STING1: variants seen among roughly 807,000 people sequenced by gnomAD.
STING1 encodes the protein stimulator of interferon genes protein.
Under a neutral mutation model 31.6 loss-of-function variants are expected in STING1, and 19 were observed. The ratio of observed to expected loss-of-function variants is 0.60; its 90% CI spans 0.42 to 0.88. The LOEUF (loss-of-function observed/expected upper bound fraction) is 0.88, where lower values mean the gene tolerates loss of function less well. Among genes scored for constraint, STING1 ranks in the 40% least tolerant of loss-of-function variants. The probability of loss-of-function intolerance (pLI) is 0.00; values close to 1 mark genes in which losing one functional copy is unlikely to be tolerated. For synonymous variants in STING1, 200 were observed against 208.6 expected (o/e 0.96, Z 0.35); for missense variants, 371 against 483.7 (o/e 0.77, Z 2.19).
rs760791461 is a variant in STING1 at position 139,476,467 on chromosome 5, G to A, written c.947-13C>T. 15 of 1,610,826 alleles carry A rather than the reference G, an allele frequency of 9.3e-6. No homozygotes were observed. Among genetic ancestry groups the A allele is most frequent in the East Asian group, 2.2e-5 (1 of 44,864 alleles). On this transcript the variant is annotated splice_polypyrimidine_tract_variant and intron_variant, in intron 7 of 7. Transcript: ENST00000330794. Reference sequence around the variant, plus strand: ...TCATCTGCAGGTTCTGGAACAGGGAGATAGGGGAGAGAGTAATGAGGATCT... The same window carrying A: ...TCATCTGCAGGTTCTGGAACAGGGAAATAGGGGAGAGAGTAATGAGGATCT...
At chr5:139,477,559 C>T (rs758111794) in intron 6 of STING1, 44 bp from the exon 7 acceptor site, 15 of 1,584,480 alleles carry the variant, frequency 9.5e-6, no homozygotes, top group South Asian at 9.2e-5. Flanking sequence ...AGGGGCCAGG[C>T]GGATGGAGAA....
At position 139,481,656 on chromosome 5, in the gene STING1, C is replaced by T. The variant is rs759944012; in HGVS notation, c.49G>A (p.Gly17Arg). ...HPSIPCPRGH[G>R]AQKAALVLLS... ...AGAACCAAGGCTGCCTTCTGGGCCC[C>T]GTGACCCCTGGGACACGGGATGGAT... The change falls in exon 3 of 8, where the codon GGG (glycine) becomes AGG (arginine). Residue 17 changes from glycine (G) to arginine (R), a missense_variant. Coordinates refer to ENST00000330794, the MANE Select transcript of STING1 (RefSeq NM_198282.4). This position sits in a 1 kb window ranked among gnomAD's most constrained non-coding sequence, Gnocchi z 4.1. 21 of 1,611,028 alleles carry T rather than the reference C, an allele frequency of 1.3e-5. No homozygotes were observed. Among genetic ancestry groups the T allele is most frequent in the African/African-American group, 8.0e-5 (6 of 74,842 alleles).
At chr5:139,478,755 T>C in intron 5 of STING1, 1 of 480,006 alleles carries the variant, frequency 2.1e-6, no homozygotes, top group Non-Finnish European at 3.8e-6. Flanking sequence ...GCGCCACCCC[T>C]TTCCACCATG....
At chr5:139,479,971 T>C (rs1185674885) in intron 5 of STING1, among the ~76,000 whole-genome samples, 1 of 129,260 alleles carries the variant, frequency 7.7e-6, no homozygotes, top group Non-Finnish European at 1.6e-5. Context: ...GCTACTGCAC[T>C]CCAGTCTGCG....
At chr5:139,480,280 C>G (rs1023212661) in intron 5 of STING1, among the ~76,000 whole-genome samples, 6 of 152,314 alleles carry the variant, frequency 3.9e-5, no homozygotes, top group African/African-American at 1.2e-4. Context: ...TACAGCTGGG[C>G]TCACGCCTGT....
Position 139,476,203 on chromosome 5 carries a change from AG to A in STING1, c.*57del. ...TGCTGGACATTCAGCCACTGAAGAGAGCCCCCAGTCCAGAGGCTTGGAGACC... is the reference window on the plus strand; with the variant it reads ...TGCTGGACATTCAGCCACTGAAGAGACCCCCAGTCCAGAGGCTTGGAGACC... On this transcript the variant is annotated 3_prime_UTR_variant, in exon 8 of 8. Transcript: ENST00000330794. 7.4e-7 allele frequency: 1 copy of A among 1,358,962 alleles called. No homozygotes were observed. The highest frequency in any genetic ancestry group is 1.0e-6 in the Non-Finnish European group (1 of 990,198). The allele number at this position is 1,358,962 out of a possible 1,614,324, so 84.2% of individuals were successfully genotyped here.
At chr5:139,477,184 G>A in intron 7 of STING1, 145 bp downstream of exon 7, 1 of 852,238 alleles carries the variant, frequency 1.2e-6, no homozygotes. Context: ...CTGGTGTGCT[G>A]GGAAGAGGGG....
chr5:139,481,472 A>T lies in STING1; in HGVS notation c.227+6T>A. The T allele has an allele frequency of 6.2e-7, 1 of 1,612,788 alleles. No individual in the cohort carries two copies. The highest frequency in any genetic ancestry group is 8.5e-7 in the Non-Finnish European group (1 of 1,179,184). ...TACCCCGTCCCTGGGTACTGCAGTGAGTCACCTGGAGTGGATGTGGCGCAG... is the reference window on the plus strand; with the variant it reads ...TACCCCGTCCCTGGGTACTGCAGTGTGTCACCTGGAGTGGATGTGGCGCAG... On this transcript the variant is annotated splice_donor_region_variant and intron_variant, in intron 3 of 7. Transcript: ENST00000330794. The surrounding 1 kb of genome is among the most constrained non-coding windows in gnomAD (Gnocchi z 4.1).
chr5:139,478,590 C>A, intron 5 of STING1, 82 bp from the exon 6 acceptor site: 1 of 1,237,514 alleles, frequency 8.1e-7, no homozygotes. Context: ...GTCATTGGCC[C>A]CCGCAGTGTG....
At position 139,481,147 on chromosome 5, in the gene STING1, C is replaced by T. The variant is rs764655300; in HGVS notation, c.411+12G>A. 6.2e-7 allele frequency: 1 copy of T among 1,613,920 alleles called. No homozygotes were observed. Among genetic ancestry groups the T allele is most frequent in the South Asian group, 1.1e-5 (1 of 91,052 alleles). On this transcript the variant is annotated intron_variant, in intron 4 of 7. Coordinates refer to ENST00000330794, the MANE Select transcript of STING1 (RefSeq NM_198282.4). The surrounding 1 kb of genome is among the most constrained non-coding windows in gnomAD (Gnocchi z 4.1). ...CACTTGGCCAGAGCTTCTACCTCCC[C>T]CTGTGTCATACCTTGAGGCCCAGGA...
chr5:139,478,569 G>A (rs1561483122), intron 5 of STING1, 61 bp from the exon 6 acceptor site: 2 of 1,460,078 alleles, frequency 1.4e-6, no homozygotes, highest in East Asian at 2.3e-5. Context: ...TGATTCAGGA[G>A]TGAGACCCAG....
chr5:139,481,891 C>A lies in STING1; in HGVS notation c.1-187G>T, dbSNP rs779328586. On this transcript the variant is annotated intron_variant, in intron 2 of 7. Transcript: ENST00000330794. The surrounding 1 kb of genome is among the most constrained non-coding windows in gnomAD (Gnocchi z 4.1). ...AGTCACCCCAAAGCTCCTGTCTCAG[C>A]GAGGTTTGCTGAAAACAGAGCAGGG... is the stretch of plus-strand genomic sequence containing the variant. 4 of 587,124 alleles carry A rather than the reference C, an allele frequency of 6.8e-6. No homozygotes were observed. The highest frequency in any genetic ancestry group is 1.9e-5 in the African/African-American group (1 of 53,804). 36.4% of individuals were successfully genotyped at this position (587,124 alleles called of 1,614,324 possible).
chr5:139,481,687 C>T lies in STING1; in HGVS notation c.18G>A (p.Leu6=). The T allele has an allele frequency of 6.2e-7, 1 of 1,604,798 alleles. No homozygotes were observed. The highest frequency in any genetic ancestry group is 8.5e-7 in the Non-Finnish European group (1 of 1,173,190). Residue 6 remains leucine (L), a synonymous_variant, in exon 3 of 8, where the codon CTG becomes CTA. Coordinates refer to ENST00000330794, the MANE Select transcript of STING1 (RefSeq NM_198282.4). This position sits in a 1 kb window ranked among gnomAD's most constrained non-coding sequence, Gnocchi z 4.1. The part of the protein sequence containing the change: MPHSS[L]HPSIPCPRGH... ...CCCTGGGACACGGGATGGATGGATG[C>T]AGGCTGGAGTGGGGCATCTGTGGGC...
chr5:139,480,942 C>T, intron 4 of STING1, 44 bp from the exon 5 acceptor site: 1 of 1,469,950 alleles, frequency 6.8e-7, no homozygotes, highest in Non-Finnish European at 9.5e-7. Flanking sequence ...ATCAAGGACA[C>T]CCAGAGAACT....
In STING1 at chr5:139,481,003, T is replaced by C; in HGVS notation, c.412-105A>G. On this transcript the variant is annotated intron_variant, in intron 4 of 7. Coordinates refer to ENST00000330794, the MANE Select transcript of STING1 (RefSeq NM_198282.4). The surrounding 1 kb of genome is among the most constrained non-coding windows in gnomAD (Gnocchi z 4.1). ...ACCTGCTCCTGACTTGATCCCTCTTTTGCCATTGCCAAACCCACTGTTCCA... is the reference window on the plus strand; with the variant it reads ...ACCTGCTCCTGACTTGATCCCTCTTCTGCCATTGCCAAACCCACTGTTCCA... 8.4e-7 allele frequency: 1 copy of C among 1,195,498 alleles called. No individual in the cohort carries two copies. Among genetic ancestry groups the C allele is most frequent in the South Asian group, 1.3e-5 (1 of 78,304 alleles). The allele number at this position is 1,195,498 out of a possible 1,614,324, so 74.1% of individuals were successfully genotyped here.
intron 6 of STING1, among the ~76,000 whole-genome samples, chr5:139,477,930 A>G (rs1235729216): frequency 2.0e-5 from 3 of 152,122 alleles, no homozygotes; most frequent in Admixed American, 6.5e-5. Context: ...AGAGCATGGT[A>G]CAGTCAAGTT....
chr5:139,476,526 T>C (rs1324189083), intron 7 of STING1, 72 bp from the exon 8 acceptor site: 1 of 1,429,922 alleles, frequency 7.0e-7, no homozygotes, highest in Non-Finnish European at 9.6e-7. Context: ...CTAGAGAACT[T>C]GCTGGGAAGA....
rs200232916 is a variant in STING1 at position 139,477,524 on chromosome 5, G to A, written c.760-9C>T. 1 of 1,612,432 alleles carries A rather than the reference G, an allele frequency of 6.2e-7. No individual in the cohort carries two copies. Among genetic ancestry groups the A allele is most frequent in the South Asian group, 1.1e-5 (1 of 90,928 alleles). The stretch of plus-strand genomic sequence containing the variant: ...AGGACACAGGTGCCCGCCTAGAGGA[G>A]GTAAGAGGAAGACCAGACTAAGCCA... On this transcript the variant is annotated splice_polypyrimidine_tract_variant and intron_variant, in intron 6 of 7. Transcript: ENST00000330794.
At position 139,481,499 on chromosome 5, in the gene STING1, T is replaced by A; in HGVS notation, c.206A>T (p.Glu69Val). The A allele has an allele frequency of 6.2e-7, 1 of 1,613,754 alleles. No individual in the cohort carries two copies. The highest frequency in any genetic ancestry group is 8.5e-7 in the Non-Finnish European group (1 of 1,179,940). ...TCACCTGGAGTGGATGTGGCGCAGC[T>A]CCTCAGCCAGGCTGCAGACCCCGTT... ...LLNGVCSLAE[E>V]LRHIHSRYRG... The change falls in exon 3 of 8, where the codon GAG becomes GTG. Residue 69 changes from glutamate to valine, a missense_variant. Coordinates refer to ENST00000330794, the MANE Select transcript of STING1 (RefSeq NM_198282.4). This position sits in a 1 kb window ranked among gnomAD's most constrained non-coding sequence, Gnocchi z 4.1.
Sources: allele counts gnomAD v4.1 joint callset (sites outside exome capture counted in the v4.1 genomes callset), GRCh38; gene constraint gnomAD v4.1.1; non-coding constraint Gnocchi (gnomAD v3.1); transcripts MANE v1.5; gene names NCBI Gene and HGNC (gene_info 2026-07-23, HGNC 2026-07-21).